Variants in PXDN observed in about 807,000 individuals in gnomAD.
PXDN encodes the protein peroxidasin homolog.
A neutral mutation model predicts 140.3 loss-of-function variants in PXDN; 77 were observed. The observed-to-expected ratio is 0.55, with a 90% CI of 0.46 to 0.66. The LOEUF is 0.66. Ranked by LOEUF, PXDN falls within the 30% of genes least tolerant of loss-of-function variation. The pLI is 0.00. For synonymous variants in PXDN, 911 were observed against 857.4 expected, an observed-to-expected ratio of 1.06 and a Z score of -1.09; for missense variants, 1,838 against 2,039.5, an observed-to-expected ratio of 0.90 and a Z score of 1.90.
intron 1 of PXDN, among the ~76,000 whole-genome samples, chr2:1,715,485 G>A (rs932949173): frequency 6.6e-6 from 1 of 152,146 alleles, no homozygotes; most frequent in Non-Finnish European, 1.5e-5. Flanking sequence ...AACTGTAAAC[G>A]CCTTCCTGTT....
At chr2:1,705,867 C>T (rs201281797) in intron 1 of PXDN, among the ~76,000 whole-genome samples, 11 of 152,236 alleles carry the variant, frequency 7.2e-5, no homozygotes, top group East Asian at 5.8e-4. Context: ...CGACCTGGGA[C>T]GCGTGGAGTG....
intron 1 of PXDN, among the ~76,000 whole-genome samples, chr2:1,704,402 C>G: frequency 2.2e-5 from 1 of 46,226 alleles, no homozygotes; most frequent in Non-Finnish European, 3.7e-5. Flanking sequence ...GGGGGCAACT[C>G]CAGGTGAAGG....
intron 1 of PXDN, among the ~76,000 whole-genome samples, chr2:1,712,896 T>C (rs1421296917): frequency 2.0e-5 from 3 of 152,124 alleles, no homozygotes; most frequent in Non-Finnish European, 4.4e-5. Context: ...GGCTGATTTT[T>C]TGTATTTTTA....
chr2:1,738,604 A>T (rs1685470427), intron 1 of PXDN, among the ~76,000 whole-genome samples: 2 of 150,884 alleles, frequency 1.3e-5, no homozygotes, highest in East Asian at 3.9e-4. Context: ...GCTGCAGTGC[A>T]GTGGCATGAT....
intron 1 of PXDN, among the ~76,000 whole-genome samples, chr2:1,707,246 C>G (rs1279682053): frequency 4.7e-5 from 6 of 128,948 alleles, no homozygotes; most frequent in African/African-American, 1.7e-4. Context: ...GCAGTGCTCA[C>G]CAATCAGCTC....
At chr2:1,686,547 C>A (rs979712598) in intron 4 of PXDN, among the ~76,000 whole-genome samples, 3 of 152,160 alleles carry the variant, frequency 2.0e-5, no homozygotes, top group African/African-American at 7.2e-5. Context: ...CTCGCCCCCA[C>A]TGAGTGAAAC....
chr2:1,639,993 G>T lies in PXDN; in HGVS notation c.3953-571C>A. Among the ~76,000 whole-genome samples, 1 of 152,226 alleles carries T rather than the reference G, an allele frequency of 6.6e-6. No individual in the cohort carries two copies. The highest frequency in any genetic ancestry group is 2.4e-5 in the African/African-American group (1 of 41,464). ...AAGCCCTCAGTGCTATGCCTCACCT[G>T]AGCCCCGGGTGAGTGAGGGGCCCTC... On this transcript the variant is annotated intron_variant, in intron 19 of 22. Coordinates refer to ENST00000252804, the MANE Select transcript of PXDN (RefSeq NM_012293.3). This position sits in a 1 kb window ranked among gnomAD's most constrained non-coding sequence, Gnocchi z 5.0.
At chr2:1,656,741 A>T (rs945154905) in intron 14 of PXDN, among the ~76,000 whole-genome samples, 9 of 133,390 alleles carry the variant, frequency 6.7e-5, no homozygotes, top group African/African-American at 2.5e-4. Flanking sequence ...CCTGACAGGG[A>T]CCTGCCCCCT....
chr2:1,665,157 T>C (rs777706684), intron 10 of PXDN, 83 bp from the exon 11 acceptor site: 37 of 1,031,094 alleles, frequency 3.6e-5, no homozygotes, highest in Non-Finnish European at 4.7e-5. Flanking sequence ...ACCACAGTCT[T>C]GGCAGACGTC....
In PXDN at chr2:1,666,293, CT is replaced by C; in HGVS notation, c.1211del (p.Gln404ArgfsTer34). On this transcript the variant is annotated frameshift_variant, in exon 10 of 23. Coordinates refer to ENST00000252804, the MANE Select transcript of PXDN (RefSeq NM_012293.3). LOFTEE classifies it high-confidence loss of function. ...AGCACGCATACTCTCCGCTGTCCCC[CT>C]GTACGACGTTCTGTATGTAAAGCCC... is the stretch of plus-strand genomic sequence containing the variant. ...SGGLYIQNVV[Q>X]GDSGEYACSA... 6.2e-7 allele frequency: 1 copy of C among 1,614,058 alleles called. No homozygotes were observed. Among genetic ancestry groups the C allele is most frequent in the Non-Finnish European group, 8.5e-7 (1 of 1,179,904 alleles).
intron 1 of PXDN, among the ~76,000 whole-genome samples, chr2:1,701,533 A>G (rs1684429194): frequency 6.6e-6 from 1 of 152,138 alleles, no homozygotes; most frequent in Non-Finnish European, 1.5e-5. Flanking sequence ...CTGAGGTGGG[A>G]AACCTCAGGA....
Position 1,666,338 on chromosome 2 carries a change from C to T in PXDN, c.1167G>A (p.Val389=). 2 of 1,614,092 alleles carry T rather than the reference C, an allele frequency of 1.2e-6. No homozygotes were observed. The highest frequency in any genetic ancestry group is 1.7e-6 in the Non-Finnish European group (2 of 1,179,914). The change falls in exon 10 of 23, where the codon GTG becomes GTA. Residue 389 remains valine (V), a synonymous_variant. Coordinates refer to ENST00000252804, the MANE Select transcript of PXDN (RefSeq NM_012293.3). ...AAAGCCCGCCAGAAGGCGTGATGTTCACCCGCGGGTCAACTGGCAAGGGTG... is the reference window on the plus strand; with the variant it reads ...AAAGCCCGCCAGAAGGCGTGATGTTTACCCGCGGGTCAACTGGCAAGGGTG... The part of the protein sequence containing the change: ...DRTPLPVDPR[V]NITPSGGLYI...
chr2:1,649,516 A>C lies in PXDN; in HGVS notation c.2264T>G (p.Met755Arg). The C allele has an allele frequency of 6.2e-7, 1 of 1,614,002 alleles. No individual in the cohort carries two copies. The highest frequency in any genetic ancestry group is 8.5e-7 in the Non-Finnish European group (1 of 1,179,874). The change falls in exon 17 of 23, where the codon ATG (methionine) becomes AGG (arginine). Residue 755 changes from methionine to arginine, a missense_variant. This residue lies in a region of PXDN where 537 missense variants were observed against 583.9 expected (regional missense o/e 0.92). Coordinates refer to ENST00000252804, the MANE Select transcript of PXDN (RefSeq NM_012293.3). The surrounding 1 kb of genome is among the most constrained non-coding windows in gnomAD (Gnocchi z 7.1). ...DGTCNNLQHP[M>R]WGASLTAFER... ...GAAGGCGGTCAGCGAGGCGCCCCAC[A>C]TGGGGTGCTGCAGGTTGTTACAGGT...
intron 1 of PXDN, among the ~76,000 whole-genome samples, chr2:1,734,272 G>A (rs12474636): frequency 0.4 from 61,491 of 152,060 alleles, 13,168 homozygotes; most frequent in Admixed American, 0.54. Context: ...CTATGCAGTA[G>A]CATTACATCT....
At chr2:1,634,468 T>G (rs564878172) in intron 22 of PXDN, 145 bp from the exon 23 acceptor site, 2 of 1,086,424 alleles carry the variant, frequency 1.8e-6, no homozygotes, top group East Asian at 2.7e-5. Flanking sequence ...GTACTTGCCC[T>G]GTGGGCATGG....
intron 1 of PXDN, among the ~76,000 whole-genome samples, chr2:1,708,172 T>C (rs1684665151): frequency 6.6e-6 from 1 of 152,250 alleles, no homozygotes; most frequent in African/African-American, 2.4e-5. Context: ...GGGGCTGGGC[T>C]GGCTGTCGGC....
In PXDN at chr2:1,705,220, A is replaced by G. The variant is rs927238343; in HGVS notation, c.201-12086T>C. Among the ~76,000 whole-genome samples, 16 of 152,072 alleles carry G rather than the reference A, an allele frequency of 1.1e-4. 1 individual carries two copies. The stretch of plus-strand genomic sequence containing the variant: ...TCCCAGGGGCCCTGGGCCTCCCCTG[A>G]GGGAGAGGCAGACCGGCTCAGTTCA... On this transcript the variant is annotated intron_variant, in intron 1 of 22. Transcript: ENST00000252804.
chr2:1,685,518 C>T lies in PXDN; in HGVS notation c.417-1367G>A, dbSNP rs1003771330. On this transcript the variant is annotated intron_variant, in intron 4 of 22. Transcript: ENST00000252804. This position sits in a 1 kb window ranked among gnomAD's most constrained non-coding sequence, Gnocchi z 5.1. Reference sequence around the variant, plus strand: ...ATGTAAGACCCAGGCACCACCACGGCACAGTGGCTGTGAGCTGCTCAGCGA... The same window carrying T: ...ATGTAAGACCCAGGCACCACCACGGTACAGTGGCTGTGAGCTGCTCAGCGA... Among the ~76,000 whole-genome samples, 2 of 152,116 alleles carry T rather than the reference C, an allele frequency of 1.3e-5. No homozygotes were observed. The highest frequency in any genetic ancestry group is 4.8e-5 in the African/African-American group (2 of 41,426).
At chr2:1,646,384 T>C (rs911101033) in intron 17 of PXDN, among the ~76,000 whole-genome samples, 6 of 152,192 alleles carry the variant, frequency 3.9e-5, no homozygotes, top group African/African-American at 9.7e-5. Flanking sequence ...GAGAATCATC[T>C]GGGAGAGTAA....
Sources: gnomAD v4.1 joint callset for allele counts (sites outside exome capture counted in the v4.1 genomes callset) on GRCh38, gnomAD v4.1.1 for gene constraint, gnomAD v4.1.1 regional missense constraint, Gnocchi (gnomAD v3.1) non-coding constraint, MANE v1.5 for transcripts, NCBI Gene and HGNC (gene_info 2026-07-23, HGNC 2026-07-21) for gene names.